The following RNF146 variants were observed in gnomAD, a reference collection of about 807,000 sequenced individuals.
RNF146 encodes E3 ubiquitin-protein ligase RNF146.
In RNF146, 11 loss-of-function variants were observed where a neutral mutation model predicts 29.7. The ratio of observed to expected loss-of-function variants is 0.37; its 90% confidence interval spans 0.23 to 0.61. The LOEUF (loss-of-function observed/expected upper bound fraction) is 0.61, where lower values mean the gene tolerates loss of function less well. RNF146 is among the 20% of genes least tolerant of loss of function. The pLI is 0.66. For missense variants in RNF146, 342 were observed against 438.9 expected (o/e 0.78, Z 1.97); for synonymous variants, 150 against 159.7 (o/e 0.94, Z 0.46).
Position 127,287,554 on chromosome 6 carries a change from T to C in RNF146, c.941T>C (p.Leu314Ser). ...CACTCCTTGACCCAACAGAGACTTT[T>C]GGTTTCTAATGCAAACCAGACAGTA... ...AQHSLTQQRLLVSNANQTVPD... is the reference protein window; with the variant it reads ...AQHSLTQQRLSVSNANQTVPD... The change falls in exon 3 of 3, where the codon TTG (leucine) becomes TCG (serine). Residue 314 changes from leucine (L) to serine (S), a missense_variant. Physicochemically the swap from Leu to Ser is moderately radical, Grantham distance 145. Around this residue, in one of 6 missense-constraint regions of RNF146, gnomAD observed 196 missense variants for 208.9 expected, o/e 0.94. Coordinates refer to ENST00000368314, the MANE Select transcript of RNF146 (RefSeq NM_001242850.2). The C allele has an allele frequency of 1.2e-6, 2 of 1,613,214 alleles. No individual in the cohort carries two copies. The highest frequency in any genetic ancestry group is 8.5e-7 in the Non-Finnish European group (1 of 1,179,536).
rs545513245 is a variant in RNF146 at position 127,277,464 on chromosome 6, T to C, written c.-108-2767T>C. 3.0e-4 allele frequency among the ~76,000 whole-genome samples: 46 copies of C among 152,132 alleles called. No individual in the cohort carries two copies. In the South Asian group the frequency reaches 9.1e-3, roughly 30 times the overall value. On this transcript the variant is annotated intron_variant, in intron 1 of 2. Transcript: ENST00000368314. ...CTTGTTTAGTCAGTATATTAGGCAG[T>C]GTTCTCTAGGGGGACAGAACTAATA...
intron 2 of RNF146, 46 bp downstream of exon 2, chr6:127,280,386 T>A (rs1407771729): frequency 5.2e-6 from 8 of 1,541,048 alleles, no homozygotes; most frequent in Admixed American, 2.0e-5. Context: ...GTAAATTAAA[T>A]GGATTGGTTT....
At chr6:127,274,514 A>AT (rs1369443564) in intron 1 of RNF146, among the ~76,000 whole-genome samples, 1 of 152,148 alleles carries the variant, frequency 6.6e-6, no homozygotes, top group Admixed American at 6.5e-5. Flanking sequence ...AAACAAGGAC[A>AT]TTTTTTGTGT....
chr6:127,278,571 C>A lies in RNF146; in HGVS notation c.-108-1660C>A, dbSNP rs191913111. On this transcript the variant is annotated intron_variant, in intron 1 of 2. Transcript: ENST00000368314. ...TATTTATAGACCACATTTTGTTTAT[C>A]CATTCATCTGTTGGTAGATACTTGA... 4.1e-4 allele frequency among the ~76,000 whole-genome samples: 63 copies of A among 152,012 alleles called. No individual in the cohort carries two copies. The East Asian group carries it at 0.011, about 27-fold the overall frequency.
intron 2 of RNF146, among the ~76,000 whole-genome samples, chr6:127,281,259 TA>T (rs1372746999): frequency 1.3e-5 from 2 of 151,762 alleles, no homozygotes; most frequent in African/African-American, 4.8e-5. Flanking sequence ...CATTTGTCTT[TA>T]AAAATATATA....
At chr6:127,282,009 G>T (rs567789993) in intron 2 of RNF146, among the ~76,000 whole-genome samples, 42 of 151,760 alleles carry the variant, frequency 2.8e-4, no homozygotes, top group African/African-American at 1.0e-3. Flanking sequence ...GATAGTCTCT[G>T]GGGAATAGGG....
At chr6:127,270,363 C>T (rs1482846267) in intron 1 of RNF146, among the ~76,000 whole-genome samples, 1 of 152,052 alleles carries the variant, frequency 6.6e-6, no homozygotes, top group Non-Finnish European at 1.5e-5. Flanking sequence ...CATACATCAT[C>T]ATATTAAGTT....
chr6:127,283,142 C>CT (rs1779118852), intron 2 of RNF146, among the ~76,000 whole-genome samples: 1 of 151,632 alleles, frequency 6.6e-6, no homozygotes, highest in Non-Finnish European at 1.5e-5. Context: ...TTAATAGACT[C>CT]TTATTAGTCT....
rs140034986 is a variant in RNF146 at position 127,286,907 on chromosome 6, T to C, written c.294T>C (p.Ser98=). ...CACCAGAAGAACTCAAGGCAGCAAG[T>C]AGAGGAAATGGTGAATATGCATGGT... ...LLSPEELKAA[S]RGNGEYAWYY... is the part of the protein sequence containing the mutation. The change falls in exon 3 of 3, where the codon AGT becomes AGC. Residue 98 remains serine (S), a synonymous_variant. Transcript: ENST00000368314. This position sits in a 1 kb window ranked among gnomAD's most constrained non-coding sequence, Gnocchi z 4.6. 17 of 1,613,020 alleles carry C rather than the reference T, an allele frequency of 1.1e-5. No individual in the cohort carries two copies. In the African/African-American group the frequency reaches 2.3e-4, roughly 22 times the overall value.
rs1432870042 is a variant in RNF146, at chr6:127,285,905, A to G, written c.3-711A>G. ...GTGTGTCTTATTTATCTTTAGACCC[A>G]TCAGTACTTAGTATTGTATCTGGAA... is the stretch of plus-strand genomic sequence containing the variant. On this transcript the variant is annotated intron_variant, in intron 2 of 2. Coordinates refer to ENST00000368314, the MANE Select transcript of RNF146 (RefSeq NM_001242850.2). The G allele has an allele frequency of 2.8e-5, 13 of 471,190 alleles. No homozygotes were observed. In the East Asian group the frequency reaches 3.3e-4, roughly 12 times the overall value. 29.2% of individuals were successfully genotyped at this position (471,190 alleles called of 1,614,324 possible). A position where few individuals can be genotyped will look rare whatever the true frequency, so the allele number is the denominator to read the frequency against.
At chr6:127,284,453 GTTTTC>G (rs915687085) in intron 2 of RNF146, among the ~76,000 whole-genome samples, 7 of 151,644 alleles carry the variant, frequency 4.6e-5, no homozygotes, top group Non-Finnish European at 8.9e-5. Flanking sequence ...TCACTTTCTT[GTTTTC>G]TTTTTCTTAA....
chr6:127,284,189 G>GC (rs1489239913), intron 2 of RNF146, among the ~76,000 whole-genome samples: 1 of 151,730 alleles, frequency 6.6e-6, no homozygotes, highest in Admixed American at 6.6e-5. Flanking sequence ...GTATTTAAAA[G>GC]CATGGCATTG....
rs1317684726 is a variant in RNF146, at chr6:127,286,679, C to T, written c.66C>T (p.Asn22=). ...INMLPTNRKA[N]ESCSNTAPSL... ...TGCTTCCTACAAACAGGAAAGCGAA[C>T]GAGTCCTGTTCTAATACTGCACCTT... Residue 22 remains asparagine, a synonymous_variant, in exon 3 of 3, where the codon AAC becomes AAT. Coordinates refer to ENST00000368314, the MANE Select transcript of RNF146 (RefSeq NM_001242850.2). The surrounding 1 kb of genome is among the most constrained non-coding windows in gnomAD (Gnocchi z 4.6). 1.7e-5 allele frequency: 28 copies of T among 1,612,966 alleles called. No homozygotes were observed. The highest frequency in any genetic ancestry group is 8.8e-5 in the South Asian group (8 of 91,028).
chr6:127,285,997 G>GT, intron 2 of RNF146: 1 of 1,197,840 alleles, frequency 8.3e-7, no homozygotes, highest in Non-Finnish European at 1.0e-6. Flanking sequence ...TTATGTCAGT[G>GT]TTTAAGCTAG....
intron 1 of RNF146, among the ~76,000 whole-genome samples, chr6:127,278,782 C>T (rs1025343127): frequency 6.6e-6 from 1 of 151,902 alleles, no homozygotes; most frequent in Non-Finnish European, 1.5e-5. Flanking sequence ...TTTCAAAGGT[C>T]CTATTTTTCT....
At chr6:127,281,572 C>G (rs1364576276) in intron 2 of RNF146, among the ~76,000 whole-genome samples, 1 of 151,398 alleles carries the variant, frequency 6.6e-6, no homozygotes, top group Non-Finnish European at 1.5e-5. Context: ...ATTTTTCAAG[C>G]CAAGGGAATG....
At chr6:127,285,213 T>A (rs930073812) in intron 2 of RNF146, 2 of 984,916 alleles carry the variant, frequency 2.0e-6, no homozygotes, top group Non-Finnish European at 2.4e-6. Flanking sequence ...ACTAGAAAAT[T>A]GCCATCTTTT....
At chr6:127,268,594 A>G (rs940417130) in intron 1 of RNF146, among the ~76,000 whole-genome samples, 3 of 152,308 alleles carry the variant, frequency 2.0e-5, no homozygotes, top group Admixed American at 6.5e-5. Flanking sequence ...GTTCAGCCCA[A>G]TCTTTCATTT....
intron 1 of RNF146, among the ~76,000 whole-genome samples, chr6:127,277,432 T>A (rs1778360878): frequency 6.6e-6 from 1 of 151,980 alleles, no homozygotes. Context: ...AAAGGTTACT[T>A]AGAAACCTTG....
Sources: allele counts gnomAD v4.1 joint callset (sites outside exome capture counted in the v4.1 genomes callset), GRCh38; gene constraint gnomAD v4.1.1; regional missense constraint gnomAD v4.1.1; non-coding constraint Gnocchi (gnomAD v3.1); transcripts MANE v1.5; gene names NCBI Gene and HGNC (gene_info 2026-07-23, HGNC 2026-07-21).